C19orf47: variants seen among roughly 807,000 people sequenced by gnomAD.
C19orf47 encodes chromosome 19 open reading frame 47.
In C19orf47, 18 loss-of-function variants were observed where a neutral mutation model predicts 32.3. That is an observed-to-expected ratio of 0.56 (90% CI 0.39 to 0.83). The LOEUF is 0.83. C19orf47 is among the 40% of genes least tolerant of loss of function. The probability of loss-of-function intolerance (pLI) is 0.00; values close to 1 mark genes in which losing one functional copy is unlikely to be tolerated. For missense variants in C19orf47, 484 were observed against 531.6 expected (o/e 0.91, Z 0.88); for synonymous variants, 202 against 211.1 (o/e 0.96, Z 0.37).
rs74466097 is a variant in C19orf47 at position 40,331,658 on chromosome 19, C to G, written c.301+2193G>C. 4.7e-4 allele frequency among the ~76,000 whole-genome samples: 72 copies of G among 151,986 alleles called. 1 individual carries two copies. The highest frequency in any genetic ancestry group is 1.2e-3 in the South Asian group (6 of 4,804). On this transcript the variant is annotated intron_variant, in intron 5 of 8. Coordinates refer to ENST00000683109, the MANE Select transcript of C19orf47 (RefSeq NM_001256441.2). Reference sequence around the variant, plus strand: ...CATCTCAAAAAATAAAAATACATGTCTGTGTTTTAAAGCACAGTTTTGGGC... The same window carrying G: ...CATCTCAAAAAATAAAAATACATGTGTGTGTTTTAAAGCACAGTTTTGGGC...
the C19orf47 span, among the ~76,000 whole-genome samples, chr19:40,301,299 T>A: frequency 6.6e-6 from 1 of 151,038 alleles, no homozygotes; most frequent in South Asian, 2.1e-4. Flanking sequence ...CCTGGCTTCA[T>A]AACCTTGAGA....
At chr19:40,306,787 T>TA in the C19orf47 span, among the ~76,000 whole-genome samples, 4,072 of 105,836 alleles carry the variant, frequency 0.038, 71 homozygotes, top group South Asian at 0.083. Flanking sequence ...AGAATGTCAT[T>TA]AAAATTTTTT....
Position 40,321,263 on chromosome 19 carries a change from C to G in C19orf47, c.*619G>C. ...GGGAGTAGAGGGCGGCTAACAGTCTCAACAGGCTCGACGCCACCGCCGACG... is the reference window on the plus strand; with the variant it reads ...GGGAGTAGAGGGCGGCTAACAGTCTGAACAGGCTCGACGCCACCGCCGACG... On this transcript the variant is annotated 3_prime_UTR_variant, in exon 9 of 9. Transcript: ENST00000683109. 1.0e-6 allele frequency: 1 copy of G among 986,910 alleles called. No individual in the cohort carries two copies. The highest frequency in any genetic ancestry group is 1.2e-6 in the Non-Finnish European group (1 of 830,260). 61.1% of individuals were successfully genotyped at this position (986,910 alleles called of 1,614,324 possible). A position where few individuals can be genotyped will look rare whatever the true frequency, so the allele number is the denominator to read the frequency against.
chr19:40,321,714 C>A lies in C19orf47; in HGVS notation c.*168G>T. 1 of 1,425,398 alleles carries A rather than the reference C, an allele frequency of 7.0e-7. No individual in the cohort carries two copies. Among genetic ancestry groups the A allele is most frequent in the Non-Finnish European group, 9.1e-7 (1 of 1,095,364 alleles). 88.3% of individuals were successfully genotyped at this position (1,425,398 alleles called of 1,614,324 possible). On this transcript the variant is annotated 3_prime_UTR_variant, in exon 9 of 9. Coordinates refer to ENST00000683109, the MANE Select transcript of C19orf47 (RefSeq NM_001256441.2). ...GGCCAGCTGCGACGACCATCCCAGG[C>A]TAGGAGAAATGGGGTGATCCCCCGA... is the stretch of plus-strand genomic sequence containing the variant.
chr19:40,326,500 G>C lies in C19orf47; in HGVS notation c.440-14C>G. On this transcript the variant is annotated splice_polypyrimidine_tract_variant and intron_variant, in intron 6 of 8. Transcript: ENST00000683109. ...GGGCCAGGGCTGCTGGGGGAAGAAA[G>C]CAGGGGTATCAGCACTCTCTGAGAC... 1 of 1,610,542 alleles carries C rather than the reference G, an allele frequency of 6.2e-7. No homozygotes were observed. Among genetic ancestry groups the C allele is most frequent in the Non-Finnish European group, 8.5e-7 (1 of 1,179,842 alleles).
intron 5 of C19orf47, among the ~76,000 whole-genome samples, chr19:40,328,832 C>T (rs748543059): frequency 2.0e-5 from 3 of 152,140 alleles, no homozygotes; most frequent in Non-Finnish European, 4.4e-5. Flanking sequence ...CACCCAGCCT[C>T]GTGCTGAGTT....
At chr19:40,331,967 G>T (rs1289133045) in intron 5 of C19orf47, among the ~76,000 whole-genome samples, 1 of 151,384 alleles carries the variant, frequency 6.6e-6, no homozygotes, top group Middle Eastern at 3.2e-3. Flanking sequence ...GAACCCAGGA[G>T]GTGGAGGTTG....
intron 2 of C19orf47, among the ~76,000 whole-genome samples, chr19:40,338,812 C>T (rs1043148065): frequency 6.6e-6 from 1 of 152,096 alleles, no homozygotes; most frequent in African/African-American, 2.4e-5. Context: ...ACCATAACAC[C>T]CTGCTAAGGT....
At chr19:40,341,961 G>A in intron 1 of C19orf47, 71 bp from the exon 2 acceptor site, 3 of 1,535,026 alleles carry the variant, frequency 2.0e-6, no homozygotes, top group South Asian at 2.4e-5. Context: ...TCCTGTGCCT[G>A]TCTGTCTGCA....
At chr19:40,339,429 G>C in intron 2 of C19orf47, among the ~76,000 whole-genome samples, 1 of 152,196 alleles carries the variant, frequency 6.6e-6, no homozygotes, top group East Asian at 1.9e-4. Flanking sequence ...ATAGCAGTTT[G>C]TCTGTGATAG....
intron 8 of C19orf47, among the ~76,000 whole-genome samples, chr19:40,322,952 G>T (rs2145514116): frequency 6.6e-6 from 1 of 152,280 alleles, no homozygotes; most frequent in South Asian, 2.1e-4. Flanking sequence ...AGAAGACAGG[G>T]GTGGCTCCTC....
At position 40,330,008 on chromosome 19, in the gene C19orf47, C is replaced by T. The variant is rs577937938; in HGVS notation, c.302-1458G>A. ...ATTTGGGTGGCGGTTAAGCAACCAA[C>T]TCTGTCTTTACTCTGTCTTGCATTT... On this transcript the variant is annotated intron_variant, in intron 5 of 8. Transcript: ENST00000683109. Among the ~76,000 whole-genome samples, 34 of 152,332 alleles carry T rather than the reference C, an allele frequency of 2.2e-4. No individual in the cohort carries two copies. In the South Asian group the frequency reaches 6.8e-3, roughly 31 times the overall value.
chr19:40,295,777 C>T, the C19orf47 span, among the ~76,000 whole-genome samples: 2 of 151,874 alleles, frequency 1.3e-5, no homozygotes, highest in Non-Finnish European at 2.9e-5. Context: ...GACAGGGTCT[C>T]GCTCTGTCAC....
chr19:40,346,208 C>T (rs1432372285), intron 1 of C19orf47, among the ~76,000 whole-genome samples: 1 of 144,502 alleles, frequency 6.9e-6, no homozygotes, highest in Admixed American at 7.1e-5. Context: ...CCTTGGGAGG[C>T]TGAGGCAGGT....
chr19:40,335,544 G>A (rs1227785507), intron 4 of C19orf47, among the ~76,000 whole-genome samples: 1 of 151,876 alleles, frequency 6.6e-6, no homozygotes, highest in Non-Finnish European at 1.5e-5. Flanking sequence ...CCAGGAGTTC[G>A]ACACCAGCTT....
chr19:40,345,595 A>G (rs1300806562), intron 1 of C19orf47, among the ~76,000 whole-genome samples: 1 of 149,518 alleles, frequency 6.7e-6, no homozygotes, highest in Non-Finnish European at 1.5e-5. Context: ...TAATCACAGC[A>G]CTTTGGGAGG....
intron 2 of C19orf47, among the ~76,000 whole-genome samples, chr19:40,338,308 C>CAAAT (rs1555788296): frequency 2.0e-5 from 3 of 148,268 alleles, no homozygotes; most frequent in Non-Finnish European, 4.5e-5. Flanking sequence ...TATATATACA[C>CAAAT]ATATATATAC....
chr19:40,348,384 G>C lies in C19orf47; in HGVS notation c.-94C>G, dbSNP rs924375010. On this transcript the variant is annotated 5_prime_UTR_variant, in exon 1 of 9. Coordinates refer to ENST00000683109, the MANE Select transcript of C19orf47 (RefSeq NM_001256441.2). ...GCCCTCCCTCCCGGCGGCGCCAACT[G>C]TCAGACACTCCTCCCCCGGCCCGGG... 3.4e-6 allele frequency: 5 copies of C among 1,450,290 alleles called. No homozygotes were observed. The African/African-American group carries it at 5.9e-5, about 17-fold the overall frequency. 89.8% of individuals were successfully genotyped at this position (1,450,290 alleles called of 1,614,324 possible).
the C19orf47 span, among the ~76,000 whole-genome samples, chr19:40,298,017 G>C: frequency 6.6e-6 from 1 of 151,296 alleles, no homozygotes; most frequent in African/African-American, 2.4e-5. Flanking sequence ...TCCAGCTTGG[G>C]TGACAGAGTG....
Sources: gnomAD v4.1 joint callset for allele counts (sites outside exome capture counted in the v4.1 genomes callset) on GRCh38, gnomAD v4.1.1 for gene constraint, MANE v1.5 for transcripts, NCBI Gene and HGNC (gene_info 2026-07-23, HGNC 2026-07-21) for gene names.